The following MED28 variants were observed in gnomAD, a reference collection of about 807,000 sequenced individuals.
MED28 encodes the protein mediator complex subunit 28, also known as mediator of RNA polymerase II transcription subunit 28.
Under a neutral mutation model 21.3 loss-of-function variants are expected in MED28, and 26 were observed. The observed-to-expected ratio is 1.22, with a 90% CI of 0.89 to 1.69. MED28 has a LOEUF of 1.69. Among genes scored for constraint, MED28 ranks in the 40% most tolerant of loss-of-function variants. The pLI, the probability that MED28 is intolerant of heterozygous loss-of-function variation, is 0.00. For missense variants in MED28, 257 were observed against 215.4 expected (o/e 1.19, Z -1.21); for synonymous variants, 110 against 87.6 (o/e 1.26, Z -1.43).
Position 17,630,850 on chromosome 4 carries a change from C to G in MED28, c.*7052C>G, listed in dbSNP as rs1302491748. The G allele has an allele frequency of 6.6e-6, 1 of 151,856 alleles. No homozygotes were observed. Among genetic ancestry groups the G allele is most frequent in the African/African-American group, 2.4e-5 (1 of 41,314 alleles). 9.4% of individuals were successfully genotyped at this position (151,856 alleles called of 1,614,324 possible). Reference sequence around the variant, plus strand: ...CTTTCTATTTCTAAGCTGTCTTCATCTAATTTTACCTTTCTGTGGAAAATC... The same window carrying G: ...CTTTCTATTTCTAAGCTGTCTTCATGTAATTTTACCTTTCTGTGGAAAATC... On this transcript the variant is annotated 3_prime_UTR_variant, in exon 4 of 4. Transcript: ENST00000237380.
Position 17,629,976 on chromosome 4 carries a change from C to T in MED28, c.*6178C>T, listed in dbSNP as rs960063196. 2 of 152,132 alleles carry T rather than the reference C, an allele frequency of 1.3e-5. No individual in the cohort carries two copies. Among genetic ancestry groups the T allele is most frequent in the African/African-American group, 4.8e-5 (2 of 41,444 alleles). The allele number at this position is 152,132 out of a possible 1,614,324, so 9.4% of individuals were successfully genotyped here. On this transcript the variant is annotated 3_prime_UTR_variant, in exon 4 of 4. Coordinates refer to ENST00000237380, the MANE Select transcript of MED28 (RefSeq NM_025205.5). ...TGGCCTCAATAAAAAATTATGGAAG[C>T]ATGCAAAGATTTTGTTAACAAAGAT...
chr4:17,623,040 A>G (rs571977341), intron 3 of MED28, among the ~76,000 whole-genome samples: 3 of 152,344 alleles, frequency 2.0e-5, no homozygotes, highest in South Asian at 2.1e-4. Context: ...CAGCCAAACC[A>G]TATCAATCTG....
chr4:17,623,398 CAAAA>C (rs397880373), intron 3 of MED28, among the ~76,000 whole-genome samples, 199 bp from the exon 4 acceptor site: 6 of 113,260 alleles, frequency 5.3e-5, no homozygotes, highest in East Asian at 2.4e-4. Context: ...GACTTCGTCT[CAAAA>C]AAAAAAAAAA....
At chr4:17,618,015 T>TTC (rs1714503871) in intron 1 of MED28, among the ~76,000 whole-genome samples, 2 of 135,490 alleles carry the variant, frequency 1.5e-5, no homozygotes, top group African/African-American at 6.3e-5. Context: ...TTTCTTTTCT[T>TTC]TTTTTTTTTT....
chr4:17,625,396 C>T lies in MED28; in HGVS notation c.*1598C>T, dbSNP rs1200188590. Reference sequence around the variant, plus strand: ...GCTTTTAAAAGCTCATGTGGTATGACCTCAAGGTTGCTAACCTGGTCACTC... The same window carrying T: ...GCTTTTAAAAGCTCATGTGGTATGATCTCAAGGTTGCTAACCTGGTCACTC... On this transcript the variant is annotated 3_prime_UTR_variant, in exon 4 of 4. Transcript: ENST00000237380. 1 of 250,348 alleles carries T rather than the reference C, an allele frequency of 4.0e-6. No individual in the cohort carries two copies. Among genetic ancestry groups the T allele is most frequent in the African/African-American group, 2.3e-5 (1 of 43,292 alleles). The allele number at this position is 250,348 out of a possible 1,614,324, so 15.5% of individuals were successfully genotyped here.
intron 1 of MED28, among the ~76,000 whole-genome samples, chr4:17,618,938 T>C (rs954911370): frequency 2.6e-5 from 4 of 152,224 alleles, no homozygotes; most frequent in African/African-American, 9.6e-5. Flanking sequence ...AGGCAGAATT[T>C]TTGCTCGTTA....
At chr4:17,622,837 C>T (rs573517727) in intron 3 of MED28, among the ~76,000 whole-genome samples, 53 of 152,268 alleles carry the variant, frequency 3.5e-4, no homozygotes, top group South Asian at 1.0e-3. Flanking sequence ...CACATGGTGG[C>T]AGACAAGAGA....
rs1447385028 is a variant in MED28, at chr4:17,633,925, G to A, written c.*10127G>A. The A allele has an allele frequency of 1.5e-6, 2 of 1,322,734 alleles. No individual in the cohort carries two copies. Among genetic ancestry groups the A allele is most frequent in the Non-Finnish European group, 2.0e-6 (2 of 1,020,562 alleles). 81.9% of individuals were successfully genotyped at this position (1,322,734 alleles called of 1,614,324 possible). On this transcript the variant is annotated 3_prime_UTR_variant, in exon 4 of 4. Transcript: ENST00000237380. ...AATGGACAGGTTAGTGCAATGCAAT[G>A]CAAAAAACAAAATAAAGCATTATTG...
chr4:17,632,333 C>A lies in MED28; in HGVS notation c.*8535C>A, dbSNP rs1422138420. ...CAAGCAGTCCATCTGCCTCAGCCTC[C>A]CAAAGTGATGGGATTACAGGCGTGA... On this transcript the variant is annotated 3_prime_UTR_variant, in exon 4 of 4. Coordinates refer to ENST00000237380, the MANE Select transcript of MED28 (RefSeq NM_025205.5). 2.5e-6 allele frequency: 1 copy of A among 398,046 alleles called. No individual in the cohort carries two copies. Among genetic ancestry groups the A allele is most frequent in the East Asian group, 4.4e-5 (1 of 22,864 alleles). The allele number at this position is 398,046 out of a possible 1,614,324, so 24.7% of individuals were successfully genotyped here.
At chr4:17,623,349 C>T (rs182462991) in intron 3 of MED28, among the ~76,000 whole-genome samples, 1,753 of 144,212 alleles carry the variant, frequency 0.012, 41 homozygotes, top group African/African-American at 0.042. Context: ...TGCACTGAGC[C>T]GAGACCGCAC....
intron 1 of MED28, among the ~76,000 whole-genome samples, chr4:17,615,936 C>T (rs551156745): frequency 1.1e-4 from 17 of 152,284 alleles, no homozygotes; most frequent in Admixed American, 2.6e-4. Flanking sequence ...GGACAAAATG[C>T]TTTTACCACA....
chr4:17,616,155 C>T (rs1338198821), intron 1 of MED28, among the ~76,000 whole-genome samples: 2 of 152,128 alleles, frequency 1.3e-5, no homozygotes. Flanking sequence ...CAGGGCTTCA[C>T]TATCTTGGCC....
intron 3 of MED28, among the ~76,000 whole-genome samples, chr4:17,622,448 T>C (rs745581629): frequency 6.6e-6 from 1 of 152,234 alleles, no homozygotes; most frequent in Non-Finnish European, 1.5e-5. Context: ...ATGTGAATAC[T>C]TGAATAACAG....
intron 1 of MED28, among the ~76,000 whole-genome samples, chr4:17,615,132 G>T (rs963926320): frequency 1.3e-5 from 2 of 152,204 alleles, no homozygotes; most frequent in Non-Finnish European, 2.9e-5. Flanking sequence ...TGCATGTTTA[G>T]TAAGAGGCTC....
chr4:17,618,169 G>A (rs527664546), intron 1 of MED28, among the ~76,000 whole-genome samples: 2 of 151,860 alleles, frequency 1.3e-5, no homozygotes, highest in Admixed American at 6.6e-5. Context: ...GCACCACTAC[G>A]CCTGACTAAT....
In MED28 at chr4:17,628,621, CA is replaced by C. The variant is rs2108921162; in HGVS notation, c.*4824del. On this transcript the variant is annotated 3_prime_UTR_variant, in exon 4 of 4. Transcript: ENST00000237380. Reference sequence around the variant, plus strand: ...TTTGGCTGAAGGCATTCACACCCCCCAGTGAATGTCTTGCACTTCTAATTGT... The same window carrying C: ...TTTGGCTGAAGGCATTCACACCCCCCGTGAATGTCTTGCACTTCTAATTGT... 1 of 152,196 alleles carries C rather than the reference CA, an allele frequency of 6.6e-6. No homozygotes were observed. Among genetic ancestry groups the C allele is most frequent in the African/African-American group, 2.4e-5 (1 of 41,540 alleles). The allele number at this position is 152,196 out of a possible 1,614,324, so 9.4% of individuals were successfully genotyped here.
Position 17,623,845 on chromosome 4 carries a change from T to C in MED28, c.*47T>C. ...CCTATGAGTGGGCTGATGCGTGAGG[T>C]TGGCCACACATTCCTTCCTGTGGAC... On this transcript the variant is annotated 3_prime_UTR_variant, in exon 4 of 4. Coordinates refer to ENST00000237380, the MANE Select transcript of MED28 (RefSeq NM_025205.5). 1.3e-6 allele frequency: 2 copies of C among 1,561,702 alleles called. No homozygotes were observed. The highest frequency in any genetic ancestry group is 1.7e-6 in the Non-Finnish European group (2 of 1,144,672).
In MED28 at chr4:17,623,858, C is replaced by A; in HGVS notation, c.*60C>A. ...TGATGCGTGAGGTTGGCCACACATT[C>A]CTTCCTGTGGACTTGACATTTTGGA... On this transcript the variant is annotated 3_prime_UTR_variant, in exon 4 of 4. Coordinates refer to ENST00000237380, the MANE Select transcript of MED28 (RefSeq NM_025205.5). The A allele has an allele frequency of 1.3e-6, 2 of 1,527,356 alleles. No homozygotes were observed. Among genetic ancestry groups the A allele is most frequent in the South Asian group, 1.2e-5 (1 of 85,348 alleles). 94.6% of individuals were successfully genotyped at this position (1,527,356 alleles called of 1,614,324 possible). A position where few individuals can be genotyped will look rare whatever the true frequency, so the allele number is the denominator to read the frequency against.
At position 17,625,840 on chromosome 4, in the gene MED28, C is replaced by T. The variant is rs1372531933; in HGVS notation, c.*2042C>T. The T allele has an allele frequency of 6.7e-6, 2 of 296,512 alleles. No individual in the cohort carries two copies. The highest frequency in any genetic ancestry group is 2.2e-4 in the East Asian group (2 of 8,928). 18.4% of individuals were successfully genotyped at this position (296,512 alleles called of 1,614,324 possible). On this transcript the variant is annotated 3_prime_UTR_variant, in exon 4 of 4. Transcript: ENST00000237380. ...TGGAAGAGACTCCTGCTGTGATTGT[C>T]CAGGGGTACGTTCTGGTCTGGCTTG...
Sources: allele counts gnomAD v4.1 joint callset (sites outside exome capture counted in the v4.1 genomes callset), GRCh38; gene constraint gnomAD v4.1.1; transcripts MANE v1.5; gene names NCBI Gene and HGNC (gene_info 2026-07-23, HGNC 2026-07-21).